Variants in PDE8B observed in about 807,000 individuals in gnomAD.
PDE8B encodes phosphodiesterase 8B.
A neutral mutation model predicts 101.3 loss-of-function variants in PDE8B; 26 were observed. The ratio of observed to expected loss-of-function variants is 0.26; its 90% CI spans 0.19 to 0.36. PDE8B has a LOEUF of 0.36. Among genes scored for constraint, PDE8B ranks in the 10% least tolerant of loss-of-function variants. The pLI is 1.00. For synonymous variants in PDE8B, 424 were observed against 429.3 expected (o/e 0.99, Z 0.15); for missense variants, 810 against 1,163.1 (o/e 0.70, Z 4.42).
intron 1 of PDE8B, among the ~76,000 whole-genome samples, chr5:77,256,906 C>T (rs1759299812): frequency 6.6e-6 from 1 of 152,082 alleles, no homozygotes; most frequent in Non-Finnish European, 1.5e-5. Flanking sequence ...TTTTGTTTAA[C>T]TGGTATTTTG....
the PDE8B span, among the ~76,000 whole-genome samples, chr5:77,120,335 G>C: frequency 1.3e-5 from 2 of 152,156 alleles, no homozygotes; most frequent in East Asian, 1.9e-4. Flanking sequence ...AGGAGTTTGG[G>C]TTACACATGT....
chr5:77,391,014 G>A (rs1789791189), intron 10 of PDE8B, among the ~76,000 whole-genome samples: 1 of 152,228 alleles, frequency 6.6e-6, no homozygotes, highest in African/African-American at 2.4e-5. Flanking sequence ...AGATGGCTGT[G>A]GAGCAAAGTT....
intron 2 of PDE8B, among the ~76,000 whole-genome samples, chr5:77,321,090 A>G (rs183502958): frequency 1.6e-3 from 241 of 150,998 alleles, no homozygotes; most frequent in African/African-American, 5.5e-3. Context: ...TCCATGGGCC[A>G]TCTCTGAGCC....
chr5:77,367,530 C>CTTTTTTTTTTTTTTTTTTTTTTT, intron 10 of PDE8B, among the ~76,000 whole-genome samples: 1 of 109,498 alleles, frequency 9.1e-6, no homozygotes. Context: ...CTTTTTCTCT[C>CTTTTTTTTTTTTTTTTTTTTTTT]TTTTTTTTTT....
chr5:77,142,479 T>G, the PDE8B span, among the ~76,000 whole-genome samples: 1 of 152,254 alleles, frequency 6.6e-6, no homozygotes, highest in African/African-American at 2.4e-5. Flanking sequence ...CAATTTGTTT[T>G]CTATCACTAT....
the PDE8B span, chr5:77,105,146 G>A: frequency 6.6e-6 from 1 of 152,092 alleles, no homozygotes; most frequent in Non-Finnish European, 1.5e-5. Context: ...GTTTCATTCT[G>A]TTATATAGAT....
chr5:77,369,203 CAAAAAAAA>C (rs70988667), intron 10 of PDE8B, among the ~76,000 whole-genome samples: 1 of 79,034 alleles, frequency 1.3e-5, no homozygotes, highest in African/African-American at 5.4e-5. Context: ...TCCACTGTCT[CAAAAAAAA>C]AAAAAAAAAA....
the PDE8B span, among the ~76,000 whole-genome samples, chr5:77,182,917 A>T: frequency 2.6e-5 from 4 of 151,506 alleles, no homozygotes; most frequent in African/African-American, 9.7e-5. Flanking sequence ...CAGGATGACA[A>T]TTTTTTTTAC....
At chr5:77,140,985 T>G in the PDE8B span, 2 of 152,164 alleles carry the variant, frequency 1.3e-5, no homozygotes, top group African/African-American at 4.8e-5. Flanking sequence ...TATAGATATA[T>G]AAAAAAATTT....
chr5:77,263,724 A>C (rs1266547182), intron 1 of PDE8B, among the ~76,000 whole-genome samples: 1 of 152,218 alleles, frequency 6.6e-6, no homozygotes, highest in African/African-American at 2.4e-5. Context: ...GTAACTATAC[A>C]GCTAATTTCC....
At chr5:77,224,939 C>G (rs1162188117) in intron 1 of PDE8B, among the ~76,000 whole-genome samples, 1 of 152,006 alleles carries the variant, frequency 6.6e-6, no homozygotes, top group East Asian at 1.9e-4. Context: ...GATCTAGAGG[C>G]TTGATAGGAT....
chr5:77,240,355 G>T (rs887330458), intron 1 of PDE8B, among the ~76,000 whole-genome samples: 1 of 151,606 alleles, frequency 6.6e-6, no homozygotes, highest in African/African-American at 2.4e-5. Flanking sequence ...GGGTTTCACC[G>T]TGTTAGCCAG....
the PDE8B span, among the ~76,000 whole-genome samples, chr5:77,198,591 A>G: frequency 2.0e-5 from 3 of 152,180 alleles, no homozygotes; most frequent in African/African-American, 7.2e-5. Context: ...AAGCTGGGGT[A>G]GTCATATTGT....
chr5:77,244,267 T>A (rs571164378), intron 1 of PDE8B, among the ~76,000 whole-genome samples: 3 of 152,260 alleles, frequency 2.0e-5, no homozygotes, highest in African/African-American at 7.2e-5. Flanking sequence ...AGCTGTAGGC[T>A]CAGCTCTAGA....
chr5:77,189,439 T>C, the PDE8B span, among the ~76,000 whole-genome samples: 2 of 152,074 alleles, frequency 1.3e-5, no homozygotes, highest in Non-Finnish European at 2.9e-5. Context: ...AGAGCAATAA[T>C]AACTGTCCAG....
chr5:77,336,447 T>C (rs1173494984), intron 5 of PDE8B, among the ~76,000 whole-genome samples: 3 of 152,236 alleles, frequency 2.0e-5, no homozygotes, highest in Non-Finnish European at 2.9e-5. Flanking sequence ...AATTGACCTA[T>C]TCTAGATATT....
intron 3 of PDE8B, among the ~76,000 whole-genome samples, chr5:77,328,673 A>G (rs1369513035): frequency 6.6e-6 from 1 of 152,222 alleles, no homozygotes; most frequent in African/African-American, 2.4e-5. Context: ...TAGGACTGCC[A>G]ATTTATTTTT....
chr5:77,367,968 C>A (rs1401214468), intron 10 of PDE8B, among the ~76,000 whole-genome samples: 1 of 152,226 alleles, frequency 6.6e-6, no homozygotes, highest in Non-Finnish European at 1.5e-5. Context: ...ATCTCTCTGG[C>A]ATGTGATTGT....
In PDE8B at chr5:77,229,676, T is replaced by G. The variant is rs1753151189; in HGVS notation, c.339+18412T>G. On this transcript the variant is annotated intron_variant, in intron 1 of 21. Transcript: ENST00000264917. ...ATTTGCCTATTGTGGACATTTCCTATAGATGGACTCATACAATATGTAGGG... is the reference window on the plus strand; with the variant it reads ...ATTTGCCTATTGTGGACATTTCCTAGAGATGGACTCATACAATATGTAGGG... Among the ~76,000 whole-genome samples, 7 of 152,220 alleles carry G rather than the reference T, an allele frequency of 4.6e-5. No homozygotes were observed. In the South Asian group the frequency reaches 1.4e-3, roughly 31 times the overall value.
Sources: allele counts gnomAD v4.1 joint callset (sites outside exome capture counted in the v4.1 genomes callset), GRCh38; gene constraint gnomAD v4.1.1; transcripts MANE v1.5; gene names NCBI Gene and HGNC (gene_info 2026-07-23, HGNC 2026-07-21).